LRMDA: variants seen among roughly 807,000 people sequenced by gnomAD.
LRMDA encodes the protein leucine-rich melanocyte differentiation-associated protein.
Under a neutral mutation model 29.8 loss-of-function variants are expected in LRMDA, and 18 were observed. That is an observed-to-expected ratio of 0.60 (90% confidence interval 0.42 to 0.90). LRMDA has a LOEUF of 0.90. Ranked by LOEUF, LRMDA falls within the 40% of genes least tolerant of loss-of-function variation. The probability of loss-of-function intolerance (pLI) is 0.00; values close to 1 mark genes in which losing one functional copy is unlikely to be tolerated. For synonymous variants in LRMDA, 125 were observed against 109.4 expected (o/e 1.14, Z -0.89); for missense variants, 273 against 273.9 (o/e 1.00, Z 0.02).
intron 6 of LRMDA, among the ~76,000 whole-genome samples, chr10:76,412,279 C>A (rs1231857233): frequency 1.3e-5 from 2 of 152,172 alleles, no homozygotes; most frequent in African/African-American, 4.8e-5. Context: ...CTTGAGTTGT[C>A]ATTTTGTATT....
At chr10:76,252,736 T>C (rs1440593660) in intron 5 of LRMDA, among the ~76,000 whole-genome samples, 1 of 152,238 alleles carries the variant, frequency 6.6e-6, no homozygotes, top group East Asian at 1.9e-4. Flanking sequence ...TGTGTCCTAC[T>C]GCTAGATATT....
At chr10:75,463,067 G>A (rs565240614) in intron 2 of LRMDA, among the ~76,000 whole-genome samples, 1 of 152,286 alleles carries the variant, frequency 6.6e-6, no homozygotes, top group East Asian at 1.9e-4. Context: ...TGCCGCTGGT[G>A]AGAGAGGAGG....
chr10:75,869,443 A>G (rs1845072841), intron 2 of LRMDA, among the ~76,000 whole-genome samples: 1 of 152,214 alleles, frequency 6.6e-6, no homozygotes, highest in African/African-American at 2.4e-5. Context: ...GTCTTTGAGT[A>G]TGTTAGCTCG....
chr10:75,994,664 C>A (rs1367005545), intron 2 of LRMDA, among the ~76,000 whole-genome samples: 1 of 152,226 alleles, frequency 6.6e-6, no homozygotes, highest in Non-Finnish European at 1.5e-5. Flanking sequence ...TCCTGCTTCC[C>A]CTCTTCAGGG....
Position 76,092,111 on chromosome 10 carries a change from G to T in LRMDA, c.516+33328G>T, listed in dbSNP as rs140726629. Among the ~76,000 whole-genome samples, 116 of 152,326 alleles carry T rather than the reference G, an allele frequency of 7.6e-4. 1 individual carries two copies. In the East Asian group the frequency reaches 0.015, roughly 20 times the overall value. On this transcript the variant is annotated intron_variant, in intron 5 of 6. Coordinates refer to ENST00000611255, the MANE Select transcript of LRMDA (RefSeq NM_001305581.2). ...TGGGACAATTTGGCTGTATGCAAATGGTTGAGGGTCATTTTCCCCTGAAGG... is the reference window on the plus strand; with the variant it reads ...TGGGACAATTTGGCTGTATGCAAATTGTTGAGGGTCATTTTCCCCTGAAGG...
At chr10:75,899,212 A>G (rs920472132) in intron 2 of LRMDA, among the ~76,000 whole-genome samples, 5 of 152,222 alleles carry the variant, frequency 3.3e-5, no homozygotes, top group African/African-American at 4.8e-5. Context: ...CTCAAAAATT[A>G]TTAGTGTTTG....
chr10:76,242,205 G>A (rs1328900205), intron 5 of LRMDA: 1 of 152,132 alleles, frequency 6.6e-6, no homozygotes, highest in Non-Finnish European at 1.5e-5. Context: ...GCTGAACTTA[G>A]TGTGGACACC....
chr10:75,941,775 G>C (rs1846396894), intron 2 of LRMDA, among the ~76,000 whole-genome samples: 2 of 152,166 alleles, frequency 1.3e-5, no homozygotes. Context: ...ATCATGCCAT[G>C]TGGACAGTAT....
At chr10:76,321,736 G>A (rs893183078) in intron 5 of LRMDA, among the ~76,000 whole-genome samples, 19 of 152,286 alleles carry the variant, frequency 1.2e-4, no homozygotes, top group African/African-American at 4.6e-4. Context: ...CCTGAGGCCA[G>A]GAGTTGGAGA....
intron 2 of LRMDA, among the ~76,000 whole-genome samples, chr10:75,922,992 G>A (rs1024508613): frequency 2.0e-5 from 3 of 152,110 alleles, no homozygotes; most frequent in Non-Finnish European, 4.4e-5. Context: ...TCACTCTAAG[G>A]GATACTGATA....
At chr10:75,898,435 A>G (rs1238043589) in intron 2 of LRMDA, among the ~76,000 whole-genome samples, 1 of 152,136 alleles carries the variant, frequency 6.6e-6, no homozygotes. Flanking sequence ...TCATAAATGA[A>G]TCCTCACCAG....
intron 2 of LRMDA, among the ~76,000 whole-genome samples, chr10:75,592,108 C>G (rs1840730516): frequency 6.6e-6 from 1 of 152,002 alleles, no homozygotes; most frequent in Non-Finnish European, 1.5e-5. Context: ...GACAGCATGA[C>G]TTGAGGCCCT....
chr10:76,078,191 A>G (rs1231213242), intron 5 of LRMDA, among the ~76,000 whole-genome samples: 2 of 151,016 alleles, frequency 1.3e-5, no homozygotes, highest in African/African-American at 2.4e-5. Context: ...TTGTATTTTT[A>G]GTAGAGACGT....
chr10:76,363,267 GAAGGAAGGA>G (rs796502245), intron 6 of LRMDA, among the ~76,000 whole-genome samples: 5,960 of 29,860 alleles, frequency 0.2, 1,281 homozygotes, highest in African/African-American at 0.31. Flanking sequence ...AGGAAGGAAG[GAAGGAAGGA>G]AAGGAAGGAA....
intron 6 of LRMDA, among the ~76,000 whole-genome samples, chr10:76,437,864 C>T (rs1842260930): frequency 6.6e-6 from 1 of 152,190 alleles, no homozygotes; most frequent in African/African-American, 2.4e-5. Flanking sequence ...AGTCCTTCGC[C>T]AAGTGGCTTT....
chr10:76,455,922 G>A (rs1291380694), intron 6 of LRMDA, among the ~76,000 whole-genome samples: 2 of 152,088 alleles, frequency 1.3e-5, no homozygotes, highest in Non-Finnish European at 2.9e-5. Context: ...ATCTAGAAGG[G>A]CCACATCAAC....
chr10:75,526,187 T>A (rs945995047), intron 2 of LRMDA, among the ~76,000 whole-genome samples: 15 of 152,092 alleles, frequency 9.9e-5, no homozygotes, highest in Admixed American at 3.3e-4. Context: ...TGCCTCAGCC[T>A]CCAGAGTAGA....
chr10:75,949,930 TG>T (rs1429138129), intron 2 of LRMDA, among the ~76,000 whole-genome samples: 1 of 152,200 alleles, frequency 6.6e-6, no homozygotes, highest in Non-Finnish European at 1.5e-5. Context: ...GCTAGTGTCA[TG>T]ACGTTTTCTT....
chr10:75,701,968 C>G lies in LRMDA; in HGVS notation c.131+263474C>G, dbSNP rs549706245. On this transcript the variant is annotated intron_variant, in intron 2 of 6. Coordinates refer to ENST00000611255, the MANE Select transcript of LRMDA (RefSeq NM_001305581.2). The stretch of plus-strand genomic sequence containing the variant: ...TTCTCCTCCCTCCTAATGCTTCGGC[C>G]GCATGTTTCTCTGATTTTTCTCTGC... Among the ~76,000 whole-genome samples, 160 of 152,228 alleles carry G rather than the reference C, an allele frequency of 1.1e-3. 2 individuals are homozygous for G. The highest frequency in any genetic ancestry group is 0.01 in the Middle Eastern group (3 of 294).
Sources: allele counts gnomAD v4.1 joint callset (sites outside exome capture counted in the v4.1 genomes callset), GRCh38; gene constraint gnomAD v4.1.1; transcripts MANE v1.5; gene names NCBI Gene and HGNC (gene_info 2026-07-23, HGNC 2026-07-21).